Variants in TMOD3 observed in about 807,000 individuals in gnomAD.
The protein encoded by TMOD3 is tropomodulin 3, also known as tropomodulin-3.
A neutral mutation model predicts 39.2 loss-of-function variants in TMOD3; 20 were observed. The ratio of observed to expected loss-of-function variants is 0.51; its 90% CI spans 0.36 to 0.74. TMOD3 has a LOEUF of 0.74. Ranked by LOEUF, TMOD3 falls within the 30% of genes least tolerant of loss-of-function variation. TMOD3 has a pLI of 0.00. For missense variants in TMOD3, 381 were observed against 412.8 expected, an observed-to-expected ratio of 0.92 and a Z score of 0.67; for synonymous variants, 143 against 145.8, an observed-to-expected ratio of 0.98 and a Z score of 0.14.
intron 1 of TMOD3, among the ~76,000 whole-genome samples, chr15:51,849,026 C>G (rs1040966560): frequency 4.6e-5 from 7 of 152,124 alleles, no homozygotes; most frequent in African/African-American, 1.7e-4. Context: ...TGTTCCCGAT[C>G]AGCTTCTTTC....
rs2554312 is a variant in TMOD3 at position 51,895,366 on chromosome 15, T to C, written c.628-1053T>C. On this transcript the variant is annotated intron_variant, in intron 6 of 9. Coordinates refer to ENST00000308580, the MANE Select transcript of TMOD3 (RefSeq NM_014547.5). ...TCCTGAATACCTGGGATTACAGGCA[T>C]CCACCACCACACCTGGCTAATTTTT... Among the ~76,000 whole-genome samples, 9 of 151,996 alleles carry C rather than the reference T, an allele frequency of 5.9e-5. No homozygotes were observed. In the South Asian group the frequency reaches 1.7e-3, roughly 28 times the overall value.
chr15:51,882,355 A>G (rs1367540044), intron 3 of TMOD3, among the ~76,000 whole-genome samples: 1 of 151,712 alleles, frequency 6.6e-6, no homozygotes, highest in Non-Finnish European at 1.5e-5. Flanking sequence ...CCTGACCAAC[A>G]TGGCAAAACC....
chr15:51,893,799 T>C lies in TMOD3; in HGVS notation c.497-16T>C. 1 of 1,504,922 alleles carries C rather than the reference T, an allele frequency of 6.6e-7. No homozygotes were observed. The highest frequency in any genetic ancestry group is 2.4e-5 in the East Asian group (1 of 42,236). The allele number at this position is 1,504,922 out of a possible 1,614,324, so 93.2% of individuals were successfully genotyped here. ...AAAATGGTATCAAATCCTGCTCTTTTCATTTATCACTGCAGATGTGGTCAA... is the reference window on the plus strand; with the variant it reads ...AAAATGGTATCAAATCCTGCTCTTTCCATTTATCACTGCAGATGTGGTCAA... On this transcript the variant is annotated splice_polypyrimidine_tract_variant and intron_variant, in intron 5 of 9. Coordinates refer to ENST00000308580, the MANE Select transcript of TMOD3 (RefSeq NM_014547.5).
chr15:51,895,483 C>G lies in TMOD3; in HGVS notation c.628-936C>G, dbSNP rs572612551. ...GATTCGCCCACCTTGGCCTCCCAAA[C>G]TGCTGGGATTACAGGTGTGAGCCAC... On this transcript the variant is annotated intron_variant, in intron 6 of 9. Transcript: ENST00000308580. Among the ~76,000 whole-genome samples the G allele has an allele frequency of 3.9e-5, 6 of 152,176 alleles. No individual in the cohort carries two copies. The East Asian group carries it at 1.2e-3, about 29-fold the overall frequency.
chr15:51,830,122 C>G (rs932012904), intron 1 of TMOD3, among the ~76,000 whole-genome samples: 6 of 152,138 alleles, frequency 3.9e-5, no homozygotes, highest in Admixed American at 1.3e-4. Context: ...GGTTCGGGAC[C>G]GGCCCCCTCC....
intron 5 of TMOD3, 140 bp from the exon 6 acceptor site, chr15:51,893,675 G>A (rs1376325488): frequency 3.0e-6 from 2 of 676,602 alleles, no homozygotes; most frequent in Non-Finnish European, 4.2e-6. Context: ...TGAGGCAGGA[G>A]AATGGCTTGA....
chr15:51,893,398 C>G (rs2056604542), intron 5 of TMOD3, among the ~76,000 whole-genome samples: 1 of 151,630 alleles, frequency 6.6e-6, no homozygotes, highest in Non-Finnish European at 1.5e-5. Flanking sequence ...AAATCTGTCC[C>G]CTTGAATAAA....
Position 51,869,324 on chromosome 15 carries a change from G to A in TMOD3, c.234G>A (p.Leu78=). The change falls in exon 3 of 10, where the codon TTG becomes TTA. Residue 78 remains leucine (L), a synonymous_variant. Transcript: ENST00000308580. ...HLLSYLEKEA[L]EHKDREDYVP... is the part of the protein sequence containing the mutation. ...TTTCATATCTGGAGAAAGAAGCATTGGAGCATAAAGACAGGGAAGACTATG... is the reference window on the plus strand; with the variant it reads ...TTTCATATCTGGAGAAAGAAGCATTAGAGCATAAAGACAGGGAAGACTATG... The A allele has an allele frequency of 6.2e-7, 1 of 1,614,006 alleles. No homozygotes were observed. Among genetic ancestry groups the A allele is most frequent in the Non-Finnish European group, 8.5e-7 (1 of 1,179,988 alleles).
chr15:51,845,479 C>T (rs998043739), intron 1 of TMOD3, among the ~76,000 whole-genome samples: 24 of 152,306 alleles, frequency 1.6e-4, no homozygotes, highest in African/African-American at 5.5e-4. Context: ...TGGTTCCAGC[C>T]AGGCACAGTG....
intron 1 of TMOD3, among the ~76,000 whole-genome samples, chr15:51,843,462 A>G (rs1210268045): frequency 6.6e-6 from 1 of 152,222 alleles, no homozygotes; most frequent in Non-Finnish European, 1.5e-5. Context: ...TAAGTAAAGG[A>G]GTAAAATGTT....
chr15:51,849,393 C>T (rs1324334314), intron 1 of TMOD3, among the ~76,000 whole-genome samples: 1 of 152,006 alleles, frequency 6.6e-6, no homozygotes, highest in African/African-American at 2.4e-5. Flanking sequence ...GGAGAGAGGT[C>T]CAGATTGGAG....
intron 1 of TMOD3, among the ~76,000 whole-genome samples, chr15:51,832,154 A>T (rs2056258402): frequency 6.8e-6 from 1 of 147,022 alleles, no homozygotes; most frequent in Admixed American, 7.1e-5. Context: ...ACTGCACTCC[A>T]GCCTGCGTGA....
intron 3 of TMOD3, among the ~76,000 whole-genome samples, chr15:51,872,793 G>T: frequency 6.6e-6 from 1 of 152,044 alleles, no homozygotes; most frequent in Non-Finnish European, 1.5e-5. Flanking sequence ...TGGGTACACT[G>T]AAATCACTGT....
chr15:51,901,923 A>C lies in TMOD3; in HGVS notation c.911A>C (p.Glu304Ala), dbSNP rs754992238. Residue 304 changes from glutamate to alanine, a missense_variant, in exon 9 of 10, where the codon GAA becomes GCA. Glu to Ala is a moderately radical substitution (Grantham distance 107). Transcript: ENST00000308580. The part of the protein sequence containing the change: ...RQQLGTAVEL[E>A]MAKMLEENTN... ...CAGTTGGGGACAGCTGTAGAATTGG[A>C]AATGGCCAAGATGCTTGAGGAAAAT... 1.2e-6 allele frequency: 2 copies of C among 1,614,158 alleles called. No individual in the cohort carries two copies. The highest frequency in any genetic ancestry group is 3.3e-5 in the Admixed American group (2 of 60,020).
chr15:51,873,321 T>C (rs1190139062), intron 3 of TMOD3, among the ~76,000 whole-genome samples: 1 of 152,232 alleles, frequency 6.6e-6, no homozygotes, highest in African/African-American at 2.4e-5. Context: ...ACACCTGGGT[T>C]GAGTCTCAGA....
intron 1 of TMOD3, among the ~76,000 whole-genome samples, chr15:51,852,796 A>G (rs966788726): frequency 2.0e-5 from 3 of 152,228 alleles, no homozygotes; most frequent in African/African-American, 7.2e-5. Flanking sequence ...GTGGGGAATG[A>G]GATCTGGGAG....
Position 51,893,828 on chromosome 15 carries a change from T to C in TMOD3, c.510T>C (p.Gly170=), listed in dbSNP as rs1191839644. 5.6e-6 allele frequency: 9 copies of C among 1,602,738 alleles called. No homozygotes were observed. Among genetic ancestry groups the C allele is most frequent in the Non-Finnish European group, 7.7e-6 (9 of 1,173,708 alleles). ...TTATCACTGCAGATGTGGTCAAAGG[T>C]GAAAAGATTCTTCCGGTATTTGATG... The part of the protein sequence containing the change: ...DQEHFSNVVK[G]EKILPVFDEP... Residue 170 remains glycine (G), a synonymous_variant, in exon 6 of 10, where the codon GGT becomes GGC. Transcript: ENST00000308580.
chr15:51,833,279 T>C (rs1053843547), intron 1 of TMOD3: 2 of 152,256 alleles, frequency 1.3e-5, no homozygotes, highest in African/African-American at 2.4e-5. Flanking sequence ...TGGCACATGA[T>C]TGAAAATGCT....
intron 1 of TMOD3, among the ~76,000 whole-genome samples, chr15:51,837,570 C>A (rs1239013415): frequency 6.6e-6 from 1 of 152,006 alleles, no homozygotes; most frequent in Non-Finnish European, 1.5e-5. Context: ...CCTGTTGTCC[C>A]TAAGATTTAC....
Sources: gnomAD v4.1 joint callset for allele counts (sites outside exome capture counted in the v4.1 genomes callset) on GRCh38, gnomAD v4.1.1 for gene constraint, MANE v1.5 for transcripts, NCBI Gene and HGNC (gene_info 2026-07-23, HGNC 2026-07-21) for gene names.